PACRG: variants seen among roughly 807,000 people sequenced by gnomAD.
The protein encoded by PACRG is parkin coregulated gene protein.
Under a neutral mutation model 29.7 loss-of-function variants are expected in PACRG, and 29 were observed. The ratio of observed to expected loss-of-function variants is 0.98; its 90% CI spans 0.73 to 1.33. PACRG has a LOEUF of 1.33. Among genes scored for constraint, PACRG ranks in the 40% most tolerant of loss-of-function variants. PACRG has a pLI of 0.00. For synonymous variants in PACRG, 116 were observed against 118.7 expected (o/e 0.98, Z 0.15); for missense variants, 279 against 316.2 (o/e 0.88, Z 0.89).
At chr6:163,095,648 C>T (rs1052130785) in intron 4 of PACRG, among the ~76,000 whole-genome samples, 12 of 150,256 alleles carry the variant, frequency 8.0e-5, no homozygotes, top group African/African-American at 3.0e-4. Context: ...TTGTGGATGA[C>T]GCATCACTCC....
intron 2 of PACRG, among the ~76,000 whole-genome samples, chr6:162,982,218 T>C (rs1034580762): frequency 6.6e-6 from 1 of 152,052 alleles, no homozygotes; most frequent in Non-Finnish European, 1.5e-5. Context: ...GAATTGTCTA[T>C]CAGTTTTGTT....
chr6:163,280,410 T>A (rs555385764), intron 4 of PACRG, among the ~76,000 whole-genome samples: 1,696 of 152,286 alleles, frequency 0.011, 32 homozygotes, highest in African/African-American at 0.039. Flanking sequence ...GGGGTTATAC[T>A]GTGCACCACC....
chr6:162,837,748 C>T lies in PACRG; in HGVS notation c.291+23467C>T, dbSNP rs906813090. Among the ~76,000 whole-genome samples the T allele has an allele frequency of 3.3e-5, 5 of 152,184 alleles. No homozygotes were observed. The South Asian group carries it at 1.0e-3, about 32-fold the overall frequency. On this transcript the variant is annotated intron_variant, in intron 2 of 4. Transcript: ENST00000366888. Reference sequence around the variant, plus strand: ...CTCTGAAGGAGTACATACACACCGACCAGTCATACACCTCAGCACATGTTT... The same window carrying T: ...CTCTGAAGGAGTACATACACACCGATCAGTCATACACCTCAGCACATGTTT...
intron 4 of PACRG, among the ~76,000 whole-genome samples, chr6:163,212,362 C>G (rs1781179414): frequency 6.6e-6 from 1 of 152,154 alleles, no homozygotes; most frequent in African/African-American, 2.4e-5. Flanking sequence ...CATCTGGTAC[C>G]TGGATTTTGG....
intron 1 of PACRG, among the ~76,000 whole-genome samples, chr6:162,759,818 C>T (rs1376344440): frequency 2.0e-5 from 3 of 152,160 alleles, no homozygotes; most frequent in Non-Finnish European, 4.4e-5. Flanking sequence ...GTTTGACACA[C>T]TGTTCTAAAA....
At chr6:163,031,573 C>T (rs1807667191) in intron 2 of PACRG, among the ~76,000 whole-genome samples, 1 of 152,182 alleles carries the variant, frequency 6.6e-6, no homozygotes, top group Admixed American at 6.5e-5. Flanking sequence ...AAAGACAAAT[C>T]AGCAAGACAA....
chr6:162,772,978 A>C (rs1326294895), intron 1 of PACRG, among the ~76,000 whole-genome samples: 2 of 152,218 alleles, frequency 1.3e-5, no homozygotes, highest in Non-Finnish European at 2.9e-5. Flanking sequence ...ATTATTATCA[A>C]GTATTATAGA....
At chr6:163,225,708 G>A (rs1340469540) in intron 4 of PACRG, among the ~76,000 whole-genome samples, 1 of 152,180 alleles carries the variant, frequency 6.6e-6, no homozygotes, top group Non-Finnish European at 1.5e-5. Flanking sequence ...CCACTTCTGG[G>A]TATATAGATG....
chr6:163,071,700 G>GAA (rs34031093), intron 3 of PACRG, among the ~76,000 whole-genome samples: 69,886 of 140,388 alleles, frequency 0.5, 19,394 homozygotes, highest in East Asian at 0.94. Context: ...ATCTAAGTTA[G>GAA]AAAAAAAAAA....
intron 2 of PACRG, among the ~76,000 whole-genome samples, chr6:162,854,224 A>G (rs1791179824): frequency 6.7e-6 from 1 of 148,438 alleles, no homozygotes; most frequent in African/African-American, 2.5e-5. Flanking sequence ...TCTTGACTAT[A>G]TATAGTATCC....
chr6:163,227,572 T>G (rs1462920932), intron 4 of PACRG, among the ~76,000 whole-genome samples: 1 of 152,132 alleles, frequency 6.6e-6, no homozygotes, highest in African/African-American at 2.4e-5. Context: ...CCGTCCTTCA[T>G]GAAGGAGCAG....
intron 2 of PACRG, among the ~76,000 whole-genome samples, chr6:162,949,641 T>C (rs1271356827): frequency 2.0e-5 from 3 of 152,106 alleles, no homozygotes; most frequent in African/African-American, 4.8e-5. Flanking sequence ...ATAAATAAAC[T>C]GTGTATGAAA....
chr6:163,272,174 G>A (rs1783855376), intron 4 of PACRG, among the ~76,000 whole-genome samples: 1 of 151,990 alleles, frequency 6.6e-6, no homozygotes, highest in Non-Finnish European at 1.5e-5. Flanking sequence ...AAATAGCTGG[G>A]ACTACAGGCA....
At chr6:163,083,497 G>C (rs1585174243) in intron 3 of PACRG, among the ~76,000 whole-genome samples, 1 of 152,088 alleles carries the variant, frequency 6.6e-6, no homozygotes, top group Non-Finnish European at 1.5e-5. Context: ...CAACCACCTT[G>C]GGTACATGTC....
chr6:162,740,739 A>G (rs1250181711), intron 1 of PACRG, among the ~76,000 whole-genome samples: 8 of 151,858 alleles, frequency 5.3e-5, no homozygotes, highest in Non-Finnish European at 7.4e-5. Flanking sequence ...AGCTGGGACT[A>G]CAGGCCCGCG....
At chr6:162,944,377 G>A (rs1242198946) in intron 2 of PACRG, among the ~76,000 whole-genome samples, 1 of 152,170 alleles carries the variant, frequency 6.6e-6, no homozygotes, top group African/African-American at 2.4e-5. Context: ...TGTGTCAGAT[G>A]TGCACATATC....
At chr6:163,290,274 GCGCGCACACA>G (rs1309224177) in intron 4 of PACRG, among the ~76,000 whole-genome samples, 82 of 87,028 alleles carry the variant, frequency 9.4e-4, no homozygotes, top group African/African-American at 3.6e-3. Context: ...GCACGCGCGC[GCGCGCACACA>G]CACACACACA....
chr6:162,784,142 TC>T (rs1338413498), intron 1 of PACRG, among the ~76,000 whole-genome samples: 6 of 152,222 alleles, frequency 3.9e-5, no homozygotes, highest in African/African-American at 1.4e-4. Flanking sequence ...AATTTTTATT[TC>T]TTCAAGTAAT....
intron 2 of PACRG, among the ~76,000 whole-genome samples, chr6:162,948,818 A>C (rs1799436851): frequency 6.6e-6 from 1 of 152,254 alleles, no homozygotes; most frequent in Admixed American, 6.5e-5. Flanking sequence ...GGAAATGCAA[A>C]TCAAAACCAC....
Sources: gnomAD v4.1 joint callset for allele counts (sites outside exome capture counted in the v4.1 genomes callset) on GRCh38, gnomAD v4.1.1 for gene constraint, MANE v1.5 for transcripts, NCBI Gene and HGNC (gene_info 2026-07-23, HGNC 2026-07-21) for gene names.